The following CDC73 variants were observed in gnomAD, a reference collection of about 807,000 sequenced individuals.
CDC73 encodes parafibromin.
In CDC73, 21 loss-of-function variants were observed where a neutral mutation model predicts 83.7. The ratio of observed to expected loss-of-function variants is 0.25; its 90% CI spans 0.18 to 0.36. The LOEUF (loss-of-function observed/expected upper bound fraction) is 0.36. Ranked by LOEUF, CDC73 falls within the 10% of genes least tolerant of loss-of-function variation. CDC73 has a pLI of 1.00. For missense variants in CDC73, 342 were observed against 653.3 expected (o/e 0.52, Z 5.19); for synonymous variants, 224 against 212.9 (o/e 1.05, Z -0.45).
intron 10 of CDC73, among the ~76,000 whole-genome samples, chr1:193,193,843 A>T (rs1339110318): frequency 7.0e-6 from 1 of 142,708 alleles, no homozygotes; most frequent in Non-Finnish European, 1.5e-5. Context: ...TGGGGCAGTG[A>T]TGGGTTTCAG....
chr1:193,180,895 G>A (rs1344665355), intron 10 of CDC73: 4 of 1,613,708 alleles, frequency 2.5e-6, no homozygotes, highest in Non-Finnish European at 2.5e-6. Context: ...ATTATAGTAC[G>A]TATCTAAGTA....
chr1:193,181,146 A>G (rs998757805), intron 10 of CDC73: 5 of 1,613,976 alleles, frequency 3.1e-6, no homozygotes, highest in Non-Finnish European at 4.2e-6. Context: ...GCTCATTAAT[A>G]ATATATTTGA....
intron 10 of CDC73, among the ~76,000 whole-genome samples, chr1:193,177,528 TA>T (rs556503372): frequency 0.061 from 6,373 of 104,420 alleles, 459 homozygotes; most frequent in African/African-American, 0.2. Flanking sequence ...AGACTCTGTC[TA>T]AAAAAAAAAA....
At chr1:193,137,019 T>A (rs1675813303) in intron 5 of CDC73, among the ~76,000 whole-genome samples, 1 of 152,226 alleles carries the variant, frequency 6.6e-6, no homozygotes, top group Non-Finnish European at 1.5e-5. Flanking sequence ...TTGAAATGTG[T>A]TACATAAACA....
chr1:193,132,566 G>C (rs554802910), intron 3 of CDC73, among the ~76,000 whole-genome samples: 1 of 151,676 alleles, frequency 6.6e-6, no homozygotes, highest in Non-Finnish European at 1.5e-5. Context: ...TCCTCCCTTG[G>C]CCTCCCAAAG....
chr1:193,235,738 A>G (rs773381526), intron 14 of CDC73, among the ~76,000 whole-genome samples: 2 of 152,190 alleles, frequency 1.3e-5, no homozygotes, highest in Non-Finnish European at 2.9e-5. Flanking sequence ...TGGTTTCTAT[A>G]CTCAGATTAC....
At chr1:193,138,577 A>G (rs1038950796) in intron 6 of CDC73, among the ~76,000 whole-genome samples, 2 of 151,934 alleles carry the variant, frequency 1.3e-5, no homozygotes, top group African/African-American at 2.4e-5. Context: ...GCCATAGACA[A>G]TACATGAATG....
intron 10 of CDC73, among the ~76,000 whole-genome samples, chr1:193,189,469 T>C (rs898547783): frequency 6.6e-6 from 1 of 152,252 alleles, no homozygotes; most frequent in South Asian, 2.1e-4. Flanking sequence ...ATGGTTAAAC[T>C]AATTCAGTAA....
rs573121902 is a variant in CDC73 at position 193,190,871 on chromosome 1, C to T, written c.973-12924C>T. ...GTGGTAGGGGTAGTACTGATTTCTA[C>T]GAGGTGTTCTAGAAGTTTGTGAGGA... On this transcript the variant is annotated intron_variant, in intron 10 of 16. Coordinates refer to ENST00000367435, the MANE Select transcript of CDC73 (RefSeq NM_024529.5). Among the ~76,000 whole-genome samples, 25 of 152,176 alleles carry T rather than the reference C, an allele frequency of 1.6e-4. No individual in the cohort carries two copies. In the South Asian group the frequency reaches 3.9e-3, roughly 24 times the overall value.
At chr1:193,210,966 C>T (rs945610249) in intron 11 of CDC73, among the ~76,000 whole-genome samples, 1 of 152,178 alleles carries the variant, frequency 6.6e-6, no homozygotes, top group African/African-American at 2.4e-5. Context: ...AGCGTATTCG[C>T]ACTTCGCACA....
At chr1:193,184,964 T>C (rs181192376) in intron 10 of CDC73, among the ~76,000 whole-genome samples, 1 of 152,144 alleles carries the variant, frequency 6.6e-6, no homozygotes, top group Non-Finnish European at 1.5e-5. Flanking sequence ...TTGTAGAATT[T>C]TAGAAATATC....
chr1:193,223,343 T>A (rs1677506322), intron 13 of CDC73, among the ~76,000 whole-genome samples: 1 of 152,184 alleles, frequency 6.6e-6, no homozygotes, highest in African/African-American at 2.4e-5. Flanking sequence ...CCAGAGAAGA[T>A]GTGCATCTGT....
chr1:193,241,054 C>CT (rs1050706570), intron 15 of CDC73, among the ~76,000 whole-genome samples: 1 of 151,782 alleles, frequency 6.6e-6, no homozygotes. Context: ...TTCTGTTTTT[C>CT]TTTTTTTTGG....
intron 13 of CDC73, among the ~76,000 whole-genome samples, chr1:193,226,521 A>T (rs1288147519): frequency 6.6e-6 from 1 of 152,164 alleles, no homozygotes; most frequent in Admixed American, 6.5e-5. Context: ...GAGAGTTTGA[A>T]TCATAAAGGG....
intron 10 of CDC73, among the ~76,000 whole-genome samples, chr1:193,194,440 G>A (rs1245574854): frequency 6.6e-6 from 1 of 152,036 alleles, no homozygotes; most frequent in Non-Finnish European, 1.5e-5. Flanking sequence ...TGGTTATTTG[G>A]TATATTCTTT....
At chr1:193,194,343 C>CA (rs1348755548) in intron 10 of CDC73, among the ~76,000 whole-genome samples, 1 of 152,150 alleles carries the variant, frequency 6.6e-6, no homozygotes, top group East Asian at 1.9e-4. Context: ...GTGATTTTCT[C>CA]AAAGTTCCTC....
In CDC73 at chr1:193,238,909, C is replaced by T. The variant is rs145039465; in HGVS notation, c.1417+2553C>T. 1.9e-3 allele frequency among the ~76,000 whole-genome samples: 290 copies of T among 152,138 alleles called. 1 individual carries two copies. Among genetic ancestry groups the T allele is most frequent in the African/African-American group, 6.9e-3 (286 of 41,504 alleles). On this transcript the variant is annotated intron_variant, in intron 15 of 16. Coordinates refer to ENST00000367435, the MANE Select transcript of CDC73 (RefSeq NM_024529.5). ...GTCTTGCTGTCCCAGGTGGCAGAGGCGGAAGAAAATCCATGTATAAATGAA... is the reference window on the plus strand; with the variant it reads ...GTCTTGCTGTCCCAGGTGGCAGAGGTGGAAGAAAATCCATGTATAAATGAA...
intron 10 of CDC73, among the ~76,000 whole-genome samples, chr1:193,174,660 C>A (rs889035032): frequency 2.0e-5 from 3 of 151,978 alleles, no homozygotes; most frequent in Non-Finnish European, 4.4e-5. Context: ...TTGTTCCTGG[C>A]GAATCAGATT....
At chr1:193,131,267 G>A (rs1043699641) in intron 3 of CDC73, among the ~76,000 whole-genome samples, 1 of 151,792 alleles carries the variant, frequency 6.6e-6, no homozygotes, top group Non-Finnish European at 1.5e-5. Flanking sequence ...TTTAGTAAGG[G>A]GTAGTGAGAC....
Sources: allele counts gnomAD v4.1 joint callset (sites outside exome capture counted in the v4.1 genomes callset), GRCh38; gene constraint gnomAD v4.1.1; transcripts MANE v1.5; gene names NCBI Gene and HGNC (gene_info 2026-07-23, HGNC 2026-07-21).